The following ANKH variants were observed in gnomAD, a reference collection of about 807,000 sequenced individuals.
ANKH encodes the protein mineralization regulator ANKH.
A neutral mutation model predicts 49.0 loss-of-function variants in ANKH; 15 were observed. The observed-to-expected ratio is 0.31, with a 90% CI of 0.20 to 0.47. ANKH has a LOEUF of 0.47. ANKH is among the 20% of genes least tolerant of loss of function. The pLI, the probability that ANKH is intolerant of heterozygous loss-of-function variation, is 1.00. For missense variants in ANKH, 429 were observed against 652.0 expected (o/e 0.66, Z 3.72); for synonymous variants, 273 against 260.0 (o/e 1.05, Z -0.48).
chr5:14,730,561 T>C lies in ANKH; in HGVS notation c.1011+11266A>G, dbSNP rs1035317571. Reference sequence around the variant, plus strand: ...CTGGGGACAGCAAAACGTGCATCCATGCCTTCACCTGAGGGCAGGGGTTTG... The same window carrying C: ...CTGGGGACAGCAAAACGTGCATCCACGCCTTCACCTGAGGGCAGGGGTTTG... On this transcript the variant is annotated intron_variant, in intron 8 of 11. Transcript: ENST00000284268. Among the ~76,000 whole-genome samples, 37 of 152,278 alleles carry C rather than the reference T, an allele frequency of 2.4e-4. 1 individual carries two copies. Among genetic ancestry groups the C allele is most frequent in the Admixed American group, 1.5e-3 (23 of 15,296 alleles).
chr5:14,741,737 G>T, intron 8 of ANKH, 90 bp downstream of exon 8: 1 of 918,782 alleles, frequency 1.1e-6, no homozygotes. Context: ...ATTACATTGT[G>T]GAAAATAAGA....
At chr5:14,748,429 G>A (rs923622858) in intron 6 of ANKH, among the ~76,000 whole-genome samples, 1 of 152,248 alleles carries the variant, frequency 6.6e-6, no homozygotes, top group African/African-American at 2.4e-5. Flanking sequence ...GCCCTCGTGG[G>A]CAGCCATGAG....
At chr5:14,812,326 C>T (rs930414179) in intron 1 of ANKH, among the ~76,000 whole-genome samples, 1 of 151,890 alleles carries the variant, frequency 6.6e-6, no homozygotes, top group Admixed American at 6.6e-5. Context: ...CTCTCAAAAC[C>T]CCCTTTCTTC....
chr5:14,854,870 C>G (rs531194450), intron 1 of ANKH, among the ~76,000 whole-genome samples: 60 of 152,266 alleles, frequency 3.9e-4, no homozygotes, highest in Non-Finnish European at 5.6e-4. Flanking sequence ...AGCCTCTTAA[C>G]TGGTCTCTGT....
At chr5:14,761,975 G>T (rs1292901194) in intron 2 of ANKH, among the ~76,000 whole-genome samples, 1 of 152,062 alleles carries the variant, frequency 6.6e-6, no homozygotes, top group African/African-American at 2.4e-5. Context: ...ATGTTGGCCA[G>T]GCTGGTCTTG....
At chr5:14,823,342 T>G (rs1041760666) in intron 1 of ANKH, among the ~76,000 whole-genome samples, 1 of 152,166 alleles carries the variant, frequency 6.6e-6, no homozygotes, top group Non-Finnish European at 1.5e-5. Context: ...TCTCTATCTC[T>G]CAGAATATCA....
chr5:14,778,869 G>A (rs973688704), intron 1 of ANKH, among the ~76,000 whole-genome samples: 6 of 152,080 alleles, frequency 3.9e-5, no homozygotes, highest in African/African-American at 1.4e-4. Flanking sequence ...ACAGCCACAC[G>A]GTCTGCTGCC....
At chr5:14,754,603 A>G (rs1736272103) in intron 4 of ANKH, among the ~76,000 whole-genome samples, 1 of 152,210 alleles carries the variant, frequency 6.6e-6, no homozygotes, top group Non-Finnish European at 1.5e-5. Flanking sequence ...ACACACACAC[A>G]CACAGTTAGT....
intron 1 of ANKH, among the ~76,000 whole-genome samples, chr5:14,793,016 ATAT>A (rs1397442691): frequency 0.14 from 12,218 of 86,988 alleles, 764 homozygotes; most frequent in Admixed American, 0.19. Flanking sequence ...AAATATATAT[ATAT>A]AAATATATAT....
intron 1 of ANKH, chr5:14,868,894 G>C (rs1404767528): frequency 6.6e-6 from 1 of 152,080 alleles, no homozygotes; most frequent in Non-Finnish European, 1.5e-5. Flanking sequence ...GCCTAACTTT[G>C]CATTTCTTAA....
chr5:14,790,632 G>C (rs1740132052), intron 1 of ANKH, among the ~76,000 whole-genome samples: 1 of 152,152 alleles, frequency 6.6e-6, no homozygotes. Context: ...ATTCATCCCT[G>C]AGTCTCACTC....
chr5:14,868,794 A>T (rs1316462618), intron 1 of ANKH: 1 of 150,884 alleles, frequency 6.6e-6, no homozygotes, highest in Non-Finnish European at 1.5e-5. Flanking sequence ...CTCCCACCTT[A>T]GCCTAAGCAA....
Position 14,741,830 on chromosome 5 carries a change from G to T in ANKH, c.1008C>A (p.Leu336=). 1 of 1,612,426 alleles carries T rather than the reference G, an allele frequency of 6.2e-7. No individual in the cohort carries two copies. Among genetic ancestry groups the T allele is most frequent in the South Asian group, 1.1e-5 (1 of 91,018 alleles). ...CAGAGAGAGCCTCTGTCCTTACCGT[G>T]AGTGACAGAGCCATGCAGACGAAGG... The part of the protein sequence containing the change: ...KFTFVCMALS[L]TLCFVMFWTP... The change falls in exon 8 of 12, where the codon CTC becomes CTA. Residue 336 remains leucine (L), a synonymous_variant. Coordinates refer to ENST00000284268, the MANE Select transcript of ANKH (RefSeq NM_054027.6).
intron 1 of ANKH, among the ~76,000 whole-genome samples, chr5:14,838,181 G>A (rs1741711861): frequency 6.6e-6 from 1 of 152,226 alleles, no homozygotes; most frequent in South Asian, 2.1e-4. Flanking sequence ...GTTAATGGGT[G>A]CAGCACACCA....
intron 8 of ANKH, among the ~76,000 whole-genome samples, chr5:14,734,913 C>A (rs1007445971): frequency 6.6e-6 from 1 of 152,136 alleles, no homozygotes; most frequent in Non-Finnish European, 1.5e-5. Context: ...TGAAGAAATA[C>A]AAATGAATAA....
intron 3 of ANKH, among the ~76,000 whole-genome samples, chr5:14,757,424 A>ATT (rs1738928938): frequency 7.7e-6 from 1 of 130,428 alleles, no homozygotes; most frequent in Non-Finnish European, 1.6e-5. Context: ...ATATATATAT[A>ATT]TATATATTTT....
rs780423381 is a variant in ANKH at position 14,819,900 on chromosome 5, T to C, written c.97-50709A>G. On this transcript the variant is annotated intron_variant, in intron 1 of 11. Transcript: ENST00000284268. ...AACAACAACAACAACAACAAAAATA[T>C]ACACACACACACACACACACACACA... Among the ~76,000 whole-genome samples the C allele has an allele frequency of 6.2e-3, 904 of 145,516 alleles. 9 individuals are homozygous for C. The highest frequency in any genetic ancestry group is 0.019 in the African/African-American group (750 of 39,108).
At chr5:14,844,693 G>T (rs1261175657) in intron 1 of ANKH, among the ~76,000 whole-genome samples, 1 of 152,220 alleles carries the variant, frequency 6.6e-6, no homozygotes, top group African/African-American at 2.4e-5. Flanking sequence ...GTGACTATCT[G>T]CTCTGCAGTG....
intron 1 of ANKH, among the ~76,000 whole-genome samples, chr5:14,856,411 C>T (rs571648284): frequency 6.6e-6 from 1 of 151,606 alleles, no homozygotes; most frequent in Non-Finnish European, 1.5e-5. Context: ...GCATATCAAT[C>T]TTTATCCCTA....
Sources: allele counts gnomAD v4.1 joint callset (sites outside exome capture counted in the v4.1 genomes callset), GRCh38; gene constraint gnomAD v4.1.1; transcripts MANE v1.5; gene names NCBI Gene and HGNC (gene_info 2026-07-23, HGNC 2026-07-21).